Variants in GFRA2 observed in about 807,000 individuals in gnomAD.
The protein encoded by GFRA2 is GDNF family receptor alpha 2, also known as GDNF family receptor alpha-2.
A neutral mutation model predicts 48.3 loss-of-function variants in GFRA2; 17 were observed. The observed-to-expected ratio is 0.35, with a 90% CI of 0.24 to 0.53. GFRA2 has a LOEUF of 0.53. Ranked by LOEUF, GFRA2 falls within the 20% of genes least tolerant of loss-of-function variation. GFRA2 has a pLI of 0.93. For missense variants in GFRA2, 660 were observed against 637.3 expected (o/e 1.04, Z -0.38); for synonymous variants, 305 against 257.2 (o/e 1.19, Z -1.78).
chr8:21,788,273 C>T lies in GFRA2; in HGVS notation c.-114G>A. The T allele has an allele frequency of 4.2e-6, 6 of 1,437,592 alleles. No homozygotes were observed. Among genetic ancestry groups the T allele is most frequent in the Non-Finnish European group, 5.5e-6 (6 of 1,091,666 alleles). 89.1% of individuals were successfully genotyped at this position (1,437,592 alleles called of 1,614,324 possible). On this transcript the variant is annotated 5_prime_UTR_variant, in exon 1 of 9. Transcript: ENST00000524240. ...GTGGTAATCAGCCCCAAATCCAATG[C>T]GGAGATCCCAGCTAGTCCACCCGAT... is the stretch of plus-strand genomic sequence containing the variant.
chr8:21,716,960 C>T (rs534633269), intron 4 of GFRA2, among the ~76,000 whole-genome samples: 1 of 152,202 alleles, frequency 6.6e-6, no homozygotes, highest in African/African-American at 2.4e-5. Context: ...TTCTGAGCAG[C>T]CTGCTCGGTC....
chr8:21,720,885 C>T (rs1236126652), intron 4 of GFRA2, among the ~76,000 whole-genome samples: 1 of 152,054 alleles, frequency 6.6e-6, no homozygotes. Flanking sequence ...TGAGTTCCTT[C>T]AGAATAGAAA....
chr8:21,718,814 G>T (rs1431187041), intron 4 of GFRA2, among the ~76,000 whole-genome samples: 1 of 152,152 alleles, frequency 6.6e-6, no homozygotes, highest in Non-Finnish European at 1.5e-5. Context: ...ACAGCAGCAA[G>T]GCCAGAAGAC....
intron 7 of GFRA2, among the ~76,000 whole-genome samples, chr8:21,699,931 C>A (rs10109522): frequency 0.091 from 13,795 of 152,200 alleles, 1,125 homozygotes; most frequent in African/African-American, 0.21. Flanking sequence ...CTCTGGGGGC[C>A]CTGGCCTAGC....
chr8:21,716,175 T>C (rs1803322665), intron 4 of GFRA2, among the ~76,000 whole-genome samples: 1 of 152,026 alleles, frequency 6.6e-6, no homozygotes, highest in South Asian at 2.1e-4. Flanking sequence ...ATCGAAAAAT[T>C]AGCCAGGCAT....
chr8:21,799,872 G>A (rs994957890), intron 2 of GFRA2, among the ~76,000 whole-genome samples: 6 of 152,174 alleles, frequency 3.9e-5, no homozygotes, highest in East Asian at 1.9e-4. Context: ...CAAGGCTCTC[G>A]GGGTGGGAGA....
chr8:21,694,595 G>A, intron 7 of GFRA2, 78 bp from the exon 8 acceptor site: 1 of 1,327,500 alleles, frequency 7.5e-7, no homozygotes, highest in Non-Finnish European at 1.1e-6. Context: ...CTTAGATGAG[G>A]CCCCGCCATG....
intron 4 of GFRA2, among the ~76,000 whole-genome samples, chr8:21,741,837 G>A (rs768175853): frequency 4.0e-5 from 6 of 151,460 alleles, no homozygotes; most frequent in South Asian, 2.1e-4. Flanking sequence ...CAGGAGAATC[G>A]CTTGAACCAA....
chr8:21,789,624 C>T (rs1365646404), upstream of GFRA2, among the ~76,000 whole-genome samples: 1 of 152,050 alleles, frequency 6.6e-6, no homozygotes, highest in Non-Finnish European at 1.5e-5. Context: ...CGCCCCCGAA[C>T]CCAACGCATC....
intron 3 of GFRA2, among the ~76,000 whole-genome samples, chr8:21,759,544 G>GGAAGGAAGGAAGGAA (rs1805792066): frequency 1.2e-5 from 1 of 82,680 alleles, no homozygotes; most frequent in African/African-American, 5.0e-5. Context: ...GAAGGAAGGA[G>GGAAGGAAGGAAGGAA]GGAAGGAAGG....
At chr8:21,715,277 C>T (rs561483994) in intron 4 of GFRA2, among the ~76,000 whole-genome samples, 2 of 152,274 alleles carry the variant, frequency 1.3e-5, no homozygotes, top group South Asian at 4.1e-4. Flanking sequence ...GGGAAGAGGA[C>T]TTCCTCGTTG....
At chr8:21,718,475 G>A (rs1428770163) in intron 4 of GFRA2, among the ~76,000 whole-genome samples, 1 of 152,216 alleles carries the variant, frequency 6.6e-6, no homozygotes, top group African/African-American at 2.4e-5. Flanking sequence ...GAAATACCTA[G>A]TGAACAAATG....
At chr8:21,729,969 A>G (rs1401743998) in intron 4 of GFRA2, among the ~76,000 whole-genome samples, 1 of 152,078 alleles carries the variant, frequency 6.6e-6, no homozygotes, top group South Asian at 2.1e-4. Context: ...AGAGGCAGAG[A>G]TCCCACCACA....
chr8:21,770,266 C>T (rs1449816433), intron 3 of GFRA2, among the ~76,000 whole-genome samples: 1 of 152,252 alleles, frequency 6.6e-6, no homozygotes, highest in Non-Finnish European at 1.5e-5. Flanking sequence ...CACAACCTGC[C>T]ATCGAACCTT....
intron 7 of GFRA2, 82 bp downstream of exon 7, chr8:21,702,723 C>T: frequency 6.5e-6 from 9 of 1,391,002 alleles, no homozygotes; most frequent in Non-Finnish European, 8.6e-6. Context: ...AGGACCCTCC[C>T]TCCCTGGCCT....
rs1336489526 is a variant in GFRA2, at chr8:21,782,648, C to G, written c.292G>C (p.Gly98Arg). Reference sequence around the variant, plus strand: ...AGACACTGCAGCTCCTTCTTCATGCCCCGCTTGCAGCGGCAGTCGTACAGC... The same window carrying G: ...AGACACTGCAGCTCCTTCTTCATGCGCCGCTTGCAGCGGCAGTCGTACAGC... The part of the protein sequence containing the change: ...SPLYDCRCKR[G>R]MKKELQCLQI... The change falls in exon 2 of 9, where the codon GGC (glycine) becomes CGC (arginine). Residue 98 changes from glycine (G) to arginine (R), a missense_variant. By Grantham distance (125) the Gly-to-Arg change is moderately radical. Transcript: ENST00000524240. 6.3e-7 allele frequency: 1 copy of G among 1,586,040 alleles called. No homozygotes were observed.
At position 21,775,199 on chromosome 8, in the gene GFRA2, G is replaced by A. The variant is rs1421775308; in HGVS notation, c.356-144C>T. ...AAGAGACAGGGCAGCCCTTCCCAAA[G>A]TGAAGAGTGCAGGACCAGGGCACAT... On this transcript the variant is annotated intron_variant, in intron 2 of 8. Coordinates refer to ENST00000524240, the MANE Select transcript of GFRA2 (RefSeq NM_001495.5). 20 of 621,366 alleles carry A rather than the reference G, an allele frequency of 3.2e-5. No homozygotes were observed. The South Asian group carries it at 3.7e-4, about 12-fold the overall frequency. 38.5% of individuals were successfully genotyped at this position (621,366 alleles called of 1,614,324 possible).
chr8:21,798,403 G>C (rs999916867), intron 2 of GFRA2, among the ~76,000 whole-genome samples: 19 of 152,086 alleles, frequency 1.2e-4, no homozygotes, highest in African/African-American at 4.1e-4. Context: ...AGGGATGTGT[G>C]TACTGTTGAA....
At chr8:21,715,519 G>A (rs1803288072) in intron 4 of GFRA2, among the ~76,000 whole-genome samples, 1 of 152,192 alleles carries the variant, frequency 6.6e-6, no homozygotes, top group African/African-American at 2.4e-5. Flanking sequence ...ATATTGGCCA[G>A]GCTGGTCTCT....
Sources: allele counts gnomAD v4.1 joint callset (sites outside exome capture counted in the v4.1 genomes callset), GRCh38; gene constraint gnomAD v4.1.1; transcripts MANE v1.5; gene names NCBI Gene and HGNC (gene_info 2026-07-23, HGNC 2026-07-21).